The following HYDIN variants were observed in gnomAD, a reference collection of about 807,000 sequenced individuals.
HYDIN encodes the protein HYDIN axonemal central pair apparatus protein.
Under a neutral mutation model 403.9 loss-of-function variants are expected in HYDIN, and 132 were observed. The observed-to-expected ratio is 0.33, with a 90% confidence interval of 0.28 to 0.38. The LOEUF (loss-of-function observed/expected upper bound fraction) is 0.38. HYDIN is among the 10% of genes least tolerant of loss of function. The probability of loss-of-function intolerance (pLI) is 1.00; values close to 1 mark genes in which losing one functional copy is unlikely to be tolerated. For missense variants in HYDIN, 2,827 were observed against 5,009.5 expected (o/e 0.56, Z 13.15); for synonymous variants, 1,202 against 1,891.7 (o/e 0.64, Z 9.46).
chr16:71,123,494 AAACAATGAT>A (rs1283627222), intron 9 of HYDIN, among the ~76,000 whole-genome samples: 1 of 148,766 alleles, frequency 6.7e-6, no homozygotes, highest in African/African-American at 2.5e-5. Context: ...AACTTGACAG[AAACAATGAT>A]AACACATCCC....
chr16:71,219,338 TG>T (rs1313748986), intron 1 of HYDIN, among the ~76,000 whole-genome samples: 1 of 152,144 alleles, frequency 6.6e-6, no homozygotes, highest in African/African-American at 2.4e-5. Flanking sequence ...ATTTATGCAT[TG>T]CCAGTGAAAT....
At chr16:71,119,923 T>C (rs1437165159) in intron 9 of HYDIN, among the ~76,000 whole-genome samples, 1 of 152,010 alleles carries the variant, frequency 6.6e-6, no homozygotes, top group Non-Finnish European at 1.5e-5. Context: ...AAATTCCATG[T>C]CATTTATGTC....
chr16:70,979,657 G>A (rs779619307), intron 29 of HYDIN, among the ~76,000 whole-genome samples: 2 of 152,214 alleles, frequency 1.3e-5, no homozygotes, highest in Non-Finnish European at 2.9e-5. Context: ...TAGGCCAGGT[G>A]TGGTGGCTCA....
At chr16:71,019,432 G>C (rs1306339577) in intron 22 of HYDIN, among the ~76,000 whole-genome samples, 2 of 152,302 alleles carry the variant, frequency 1.3e-5, no homozygotes, top group Non-Finnish European at 2.9e-5. Flanking sequence ...CAGTCAGAGA[G>C]AGAGTAATGA....
rs371499478 is a variant in HYDIN at position 70,806,487 on chromosome 16, A to G, written c.*1093T>C. Among the ~76,000 whole-genome samples, 4 of 152,320 alleles carry G rather than the reference A, an allele frequency of 2.6e-5. No individual in the cohort carries two copies. The highest frequency in any genetic ancestry group is 2.1e-4 in the South Asian group (1 of 4,826). ...GCTAAAAGATTGCCGGGCCACACCT[A>G]CAGACTTTTTGATTCAGTCGATCTG... On this transcript the variant is annotated 3_prime_UTR_variant, in exon 86 of 86. Coordinates refer to ENST00000393567, the MANE Select transcript of HYDIN (RefSeq NM_001270974.2).
chr16:70,838,616 T>A (rs151115901), intron 76 of HYDIN, among the ~76,000 whole-genome samples: 2,660 of 151,956 alleles, frequency 0.018, 69 homozygotes, highest in African/African-American at 0.061. Flanking sequence ...TGTTCTAGAG[T>A]CAGGCAGAGA....
chr16:70,996,886 T>C (rs1349285021), intron 23 of HYDIN, among the ~76,000 whole-genome samples: 1 of 151,834 alleles, frequency 6.6e-6, no homozygotes, highest in Non-Finnish European at 1.5e-5. Context: ...TTCAGGATGA[T>C]TCAAGCACAT....
At chr16:71,130,404 A>G (rs999251270) in intron 8 of HYDIN, among the ~76,000 whole-genome samples, 64 of 141,566 alleles carry the variant, frequency 4.5e-4, no homozygotes, top group Non-Finnish European at 8.2e-4. Context: ...AGATGTGTTG[A>G]GGGTTAAATG....
At chr16:70,834,872 ATATG>A (rs1264091966) in intron 78 of HYDIN, among the ~76,000 whole-genome samples, 2 of 147,516 alleles carry the variant, frequency 1.4e-5, no homozygotes. Context: ...AAACATATAT[ATATG>A]TGTGTGTGTG....
chr16:71,100,242 T>A (rs2083415259), intron 10 of HYDIN, among the ~76,000 whole-genome samples: 1 of 152,180 alleles, frequency 6.6e-6, no homozygotes, highest in South Asian at 2.1e-4. Flanking sequence ...TTTAAATAAA[T>A]GAATGAATAA....
intron 7 of HYDIN, among the ~76,000 whole-genome samples, chr16:71,152,027 TA>T (rs1333647420): frequency 6.6e-6 from 1 of 152,004 alleles, no homozygotes. Flanking sequence ...TTTAAAATGT[TA>T]GACAAATATC....
At chr16:71,140,976 T>G (rs1002904286) in intron 7 of HYDIN, among the ~76,000 whole-genome samples, 2 of 150,510 alleles carry the variant, frequency 1.3e-5, no homozygotes, top group Non-Finnish European at 3.0e-5. Flanking sequence ...TAGCAATAGA[T>G]CTAAGGAAAA....
intron 21 of HYDIN, 97 bp from the exon 22 acceptor site, chr16:71,020,414 C>T (rs2080439479): frequency 6.9e-7 from 1 of 1,442,244 alleles, no homozygotes; most frequent in African/African-American, 1.4e-5. Context: ...ACAAATTTAG[C>T]AATCTTTCTT....
At chr16:71,221,327 T>A (rs759146062) in intron 1 of HYDIN, among the ~76,000 whole-genome samples, 1 of 151,814 alleles carries the variant, frequency 6.6e-6, no homozygotes, top group Non-Finnish European at 1.5e-5. Context: ...CCCAAATTCA[T>A]ATCACCTGTG....
chr16:71,064,870 A>T, intron 15 of HYDIN, 30 bp from the exon 16 acceptor site: 1 of 1,602,118 alleles, frequency 6.2e-7, no homozygotes, highest in Non-Finnish European at 8.5e-7. Flanking sequence ...ACACAATTCA[A>T]AACAGAGAGC....
Position 71,094,087 on chromosome 16 carries a change from A to G in HYDIN, c.1328-152T>C, listed in dbSNP as rs1597760434. 12 of 710,326 alleles carry G rather than the reference A, an allele frequency of 1.7e-5. No homozygotes were observed. The East Asian group carries it at 3.7e-4, about 22-fold the overall frequency. 44.0% of individuals were successfully genotyped at this position (710,326 alleles called of 1,614,324 possible). On this transcript the variant is annotated intron_variant, in intron 10 of 85. Transcript: ENST00000393567. ...AACTGCAATTTAACTAACGCTGAAG[A>G]TTCATCCTATATGGGAGCCAATCAT...
chr16:71,100,035 G>C (rs2083407904), intron 10 of HYDIN, among the ~76,000 whole-genome samples: 1 of 151,948 alleles, frequency 6.6e-6, no homozygotes. Context: ...AAACAAGAGA[G>C]TAAGATTCAG....
rs1303724918 is a variant in HYDIN, at chr16:71,110,489, T to C, written c.1327+5207A>G. ...TAAACATATATAAATATATATAATA[T>C]ATATATTTCATATATATATATCAAT... On this transcript the variant is annotated intron_variant, in intron 10 of 85. Transcript: ENST00000393567. 2.8e-5 allele frequency among the ~76,000 whole-genome samples: 4 copies of C among 142,688 alleles called. No homozygotes were observed. In the South Asian group the frequency reaches 8.4e-4, roughly 30 times the overall value. 93.6% of individuals were successfully genotyped at this position (142,688 alleles called of 152,430 possible).
chr16:71,196,503 C>T (rs916010083), intron 1 of HYDIN, among the ~76,000 whole-genome samples: 1 of 152,206 alleles, frequency 6.6e-6, no homozygotes, highest in African/African-American at 2.4e-5. Flanking sequence ...CTCCAGCTCT[C>T]AGGCCTTCAA....
Sources: allele counts gnomAD v4.1 joint callset (sites outside exome capture counted in the v4.1 genomes callset), GRCh38; gene constraint gnomAD v4.1.1; transcripts MANE v1.5; gene names NCBI Gene and HGNC (gene_info 2026-07-23, HGNC 2026-07-21).